The following SYNDIG1 variants were observed in gnomAD, a reference collection of about 807,000 sequenced individuals.
The protein encoded by SYNDIG1 is synapse differentiation-inducing gene protein 1.
SYNDIG1 carries 9 observed loss-of-function variants against 19.4 expected under a neutral mutation model. The observed-to-expected ratio is 0.46, with a 90% confidence interval of 0.28 to 0.81. SYNDIG1 has a LOEUF of 0.81. Ranked by LOEUF, SYNDIG1 falls within the 30% of genes least tolerant of loss-of-function variation. SYNDIG1 has a pLI of 0.12. For synonymous variants in SYNDIG1, 141 were observed against 145.9 expected (o/e 0.97, Z 0.24); for missense variants, 311 against 343.3 (o/e 0.91, Z 0.74).
At chr20:24,546,494 C>G (rs2057579413) in intron 2 of SYNDIG1, among the ~76,000 whole-genome samples, 1 of 152,200 alleles carries the variant, frequency 6.6e-6, no homozygotes, top group South Asian at 2.1e-4. Flanking sequence ...GGAAGCCAGC[C>G]TCTGGTGGGC....
chr20:24,495,840 A>G (rs2056287567), intron 1 of SYNDIG1: 1 of 151,986 alleles, frequency 6.6e-6, no homozygotes, highest in Non-Finnish European at 1.5e-5. Context: ...TTTTATTTTT[A>G]TTTTATTTAT....
chr20:24,500,585 C>T (rs959282473), intron 1 of SYNDIG1, among the ~76,000 whole-genome samples: 19 of 141,716 alleles, frequency 1.3e-4, no homozygotes, highest in Admixed American at 9.3e-4. Context: ...TTCTTTTTTT[C>T]CTTCTGTCTT....
chr20:24,616,727 A>G (rs1296178819), intron 3 of SYNDIG1, among the ~76,000 whole-genome samples: 8 of 152,224 alleles, frequency 5.3e-5, no homozygotes, highest in African/African-American at 1.9e-4. Context: ...TCACACCTGG[A>G]GAGCAACTGG....
chr20:24,571,731 C>T (rs934621931), intron 2 of SYNDIG1, among the ~76,000 whole-genome samples: 3 of 152,308 alleles, frequency 2.0e-5, no homozygotes, highest in South Asian at 2.1e-4. Context: ...ACCTAGAACA[C>T]CCCAGCCCAT....
chr20:24,643,045 G>A (rs1273916809), intron 3 of SYNDIG1, among the ~76,000 whole-genome samples: 1 of 152,100 alleles, frequency 6.6e-6, no homozygotes, highest in Non-Finnish European at 1.5e-5. Flanking sequence ...GTTTAAATAT[G>A]TAGAAATATT....
intron 1 of SYNDIG1, among the ~76,000 whole-genome samples, chr20:24,529,597 A>G (rs944618130): frequency 6.6e-6 from 1 of 152,244 alleles, no homozygotes; most frequent in African/African-American, 2.4e-5. Flanking sequence ...TTTGTGTGTC[A>G]TAGAATATTC....
At chr20:24,476,228 T>G (rs1036967997) in intron 1 of SYNDIG1, among the ~76,000 whole-genome samples, 11 of 151,952 alleles carry the variant, frequency 7.2e-5, no homozygotes, top group Admixed American at 4.6e-4. Flanking sequence ...CTCATTCATT[T>G]CAGTACTCTA....
At chr20:24,541,791 A>G (rs2057474435) in intron 1 of SYNDIG1, among the ~76,000 whole-genome samples, 2 of 152,322 alleles carry the variant, frequency 1.3e-5, no homozygotes, top group Middle Eastern at 3.4e-3. Context: ...AAATCCCACA[A>G]AAGTTATAAA....
intron 2 of SYNDIG1, among the ~76,000 whole-genome samples, chr20:24,551,424 C>G (rs2146797586): frequency 6.6e-6 from 1 of 152,202 alleles, no homozygotes; most frequent in African/African-American, 2.4e-5. Flanking sequence ...TGGATCTTTT[C>G]AAATAGCTGA....
intron 1 of SYNDIG1, among the ~76,000 whole-genome samples, chr20:24,529,861 C>T (rs1568614348): frequency 9.2e-6 from 1 of 108,876 alleles, no homozygotes; most frequent in Non-Finnish European, 1.9e-5. Flanking sequence ...CTGACAGTGT[C>T]AGTGGTGGGG....
intron 2 of SYNDIG1, among the ~76,000 whole-genome samples, chr20:24,551,687 T>A (rs753060504): frequency 8.8e-4 from 134 of 152,200 alleles, no homozygotes; most frequent in Non-Finnish European, 1.3e-3. Context: ...TGTTGTGTTT[T>A]AATTTTTATA....
intron 1 of SYNDIG1, among the ~76,000 whole-genome samples, chr20:24,519,139 T>TAACA (rs2056950611): frequency 6.6e-6 from 1 of 152,222 alleles, no homozygotes; most frequent in Non-Finnish European, 1.5e-5. Flanking sequence ...CTGATATTTT[T>TAACA]TATGTTTCCC....
intron 1 of SYNDIG1, among the ~76,000 whole-genome samples, chr20:24,508,451 C>A (rs2056661622): frequency 8.6e-6 from 1 of 115,768 alleles, no homozygotes; most frequent in Non-Finnish European, 1.9e-5. Flanking sequence ...CTCCTGACCT[C>A]AAGTGATCTG....
intron 1 of SYNDIG1, among the ~76,000 whole-genome samples, chr20:24,499,643 G>C (rs958227395): frequency 6.6e-6 from 1 of 152,076 alleles, no homozygotes. Context: ...TGAGTCGGTC[G>C]GTACCTGTCC....
intron 1 of SYNDIG1, among the ~76,000 whole-genome samples, chr20:24,472,929 G>A (rs951933346): frequency 6.6e-6 from 1 of 152,200 alleles, no homozygotes; most frequent in Non-Finnish European, 1.5e-5. Flanking sequence ...TAACCATCTT[G>A]TAGGTGAGCA....
chr20:24,584,804 A>T, intron 2 of SYNDIG1, 52 bp from the exon 3 acceptor site: 4 of 1,612,080 alleles, frequency 2.5e-6, no homozygotes, highest in South Asian at 1.1e-5. Context: ...CCCCAGGATG[A>T]CTCCTTTATT....
chr20:24,576,627 G>A (rs923789257), intron 2 of SYNDIG1, among the ~76,000 whole-genome samples: 2 of 152,166 alleles, frequency 1.3e-5, no homozygotes, highest in Non-Finnish European at 2.9e-5. Context: ...GCGCTGACGG[G>A]AAGGGAGTCA....
chr20:24,589,510 T>C (rs2058472638), intron 3 of SYNDIG1, among the ~76,000 whole-genome samples: 1 of 152,184 alleles, frequency 6.6e-6, no homozygotes, highest in African/African-American at 2.4e-5. Context: ...CTGAGCATGG[T>C]GTGGCATTGG....
At chr20:24,578,527 C>T (rs983533151) in intron 2 of SYNDIG1, among the ~76,000 whole-genome samples, 1 of 151,528 alleles carries the variant, frequency 6.6e-6, no homozygotes, top group Non-Finnish European at 1.5e-5. Context: ...CACGTGAATG[C>T]AGAGAAGCCC....
Sources: gnomAD v4.1 joint callset for allele counts (sites outside exome capture counted in the v4.1 genomes callset) on GRCh38, gnomAD v4.1.1 for gene constraint, MANE v1.5 for transcripts, NCBI Gene and HGNC (gene_info 2026-07-23, HGNC 2026-07-21) for gene names.